The following GALNT13 variants were observed in gnomAD, a reference collection of about 807,000 sequenced individuals.
The protein encoded by GALNT13 is UDP-GalNAc:polypeptide N-acetylgalactosaminyltransferase 13.
GALNT13 carries 28 observed loss-of-function variants against 64.2 expected under a neutral mutation model. That is an observed-to-expected ratio of 0.44 (90% CI 0.32 to 0.60). The LOEUF (loss-of-function observed/expected upper bound fraction) is 0.60, where lower values mean the gene tolerates loss of function less well. GALNT13 is among the 20% of genes least tolerant of loss of function. The pLI, the probability that GALNT13 is intolerant of heterozygous loss-of-function variation, is 0.05. For missense variants in GALNT13, 577 were observed against 669.8 expected, an observed-to-expected ratio of 0.86 and a Z score of 1.53; for synonymous variants, 214 against 224.6, an observed-to-expected ratio of 0.95 and a Z score of 0.42.
chr2:153,878,564 A>T (rs1481036527), intron 1 of GALNT13, among the ~76,000 whole-genome samples: 1 of 152,204 alleles, frequency 6.6e-6, no homozygotes, highest in Admixed American at 6.5e-5. Flanking sequence ...TGATTGGAAG[A>T]TTAGGGATGA....
chr2:153,917,531 A>G (rs1689454124), intron 2 of GALNT13, among the ~76,000 whole-genome samples: 4 of 152,164 alleles, frequency 2.6e-5, no homozygotes, highest in Admixed American at 2.6e-4. Flanking sequence ...AAGTATTAAC[A>G]ATTATGATAA....
the GALNT13 span, among the ~76,000 whole-genome samples, chr2:153,664,846 C>A: frequency 6.6e-6 from 1 of 152,312 alleles, no homozygotes; most frequent in South Asian, 2.1e-4. Context: ...ACCTAGCCCA[C>A]TTACACCCCT....
the GALNT13 span, among the ~76,000 whole-genome samples, chr2:153,341,459 T>A: frequency 2.0e-5 from 3 of 152,234 alleles, no homozygotes; most frequent in African/African-American, 7.2e-5. Context: ...AACTAGAGAA[T>A]CTATTATAGT....
At chr2:153,723,769 G>A in the GALNT13 span, among the ~76,000 whole-genome samples, 1 of 151,396 alleles carries the variant, frequency 6.6e-6, no homozygotes, top group Non-Finnish European at 1.5e-5. Flanking sequence ...ACCTCTTCAA[G>A]GAGAACTACA....
the GALNT13 span, among the ~76,000 whole-genome samples, chr2:153,474,500 CCT>C: frequency 6.6e-6 from 1 of 152,148 alleles, no homozygotes; most frequent in Non-Finnish European, 1.5e-5. Flanking sequence ...AGTAGTGTGA[CCT>C]CTGCTTTCAC....
chr2:153,209,555 C>T, the GALNT13 span, among the ~76,000 whole-genome samples: 3 of 152,116 alleles, frequency 2.0e-5, no homozygotes, highest in East Asian at 3.9e-4. Context: ...ATTATACTTT[C>T]TTGACTACTG....
chr2:153,785,470 TC>T, the GALNT13 span, among the ~76,000 whole-genome samples: 2 of 152,176 alleles, frequency 1.3e-5, no homozygotes, highest in Non-Finnish European at 2.9e-5. Context: ...TGGAGCAGAC[TC>T]CCAGTGAACT....
At chr2:153,550,400 A>ATTT in the GALNT13 span, among the ~76,000 whole-genome samples, 2,365 of 147,032 alleles carry the variant, frequency 0.016, 73 homozygotes, top group African/African-American at 0.056. Context: ...ACACTCAGCT[A>ATTT]TTTTTTTTTT....
chr2:154,184,745 T>A (rs1032652540), intron 4 of GALNT13, among the ~76,000 whole-genome samples: 2 of 152,154 alleles, frequency 1.3e-5, no homozygotes, highest in African/African-American at 4.8e-5. Flanking sequence ...CCAGAACTTA[T>A]AGAGCAATAA....
At chr2:154,408,005 A>G (rs1304901310) in intron 10 of GALNT13, among the ~76,000 whole-genome samples, 1 of 152,126 alleles carries the variant, frequency 6.6e-6, no homozygotes, top group African/African-American at 2.4e-5. Context: ...ATAGATAAGT[A>G]AATATATGTG....
At chr2:154,357,804 T>C (rs1696834745) in intron 9 of GALNT13, among the ~76,000 whole-genome samples, 1 of 152,054 alleles carries the variant, frequency 6.6e-6, no homozygotes, top group African/African-American at 2.4e-5. Context: ...GGTCTTTCAG[T>C]GTATGCTTCA....
At chr2:153,920,365 A>G (rs1314880316) in intron 2 of GALNT13, among the ~76,000 whole-genome samples, 1 of 152,124 alleles carries the variant, frequency 6.6e-6, no homozygotes, top group Non-Finnish European at 1.5e-5. Flanking sequence ...CAAAGCTAAC[A>G]AAAACAAGCA....
At chr2:153,578,693 C>G in the GALNT13 span, among the ~76,000 whole-genome samples, 1 of 152,134 alleles carries the variant, frequency 6.6e-6, no homozygotes, top group Non-Finnish European at 1.5e-5. Flanking sequence ...AACCATTTTG[C>G]CTGTAGAATT....
intron 4 of GALNT13, among the ~76,000 whole-genome samples, chr2:154,192,928 T>A (rs1020166803): frequency 6.6e-6 from 1 of 152,242 alleles, no homozygotes; most frequent in East Asian, 1.9e-4. Context: ...ACATTGAAAG[T>A]TGGGATTTGT....
intron 3 of GALNT13, among the ~76,000 whole-genome samples, chr2:154,074,690 G>A (rs1700898881): frequency 6.6e-6 from 1 of 151,824 alleles, no homozygotes; most frequent in Non-Finnish European, 1.5e-5. Context: ...AATCCTCAGT[G>A]AACTACTGGC....
intron 12 of GALNT13, chr2:154,446,809 T>C: frequency 7.0e-7 from 1 of 1,435,366 alleles, no homozygotes; most frequent in Non-Finnish European, 9.2e-7. Context: ...GCATTTTTGT[T>C]ATGTTCAGTT....
chr2:153,464,104 A>T, the GALNT13 span, among the ~76,000 whole-genome samples: 1 of 152,074 alleles, frequency 6.6e-6, no homozygotes, highest in African/African-American at 2.4e-5. Context: ...GATCAATCAG[A>T]TCCCATTAGC....
the GALNT13 span, among the ~76,000 whole-genome samples, chr2:153,212,179 G>A: frequency 6.6e-6 from 1 of 151,730 alleles, no homozygotes; most frequent in Non-Finnish European, 1.5e-5. Flanking sequence ...TTTTTTCTAG[G>A]TACATATCCT....
At chr2:153,993,014 ACT>A (rs1351045358) in intron 3 of GALNT13, among the ~76,000 whole-genome samples, 15 of 152,164 alleles carry the variant, frequency 9.9e-5, no homozygotes, top group Non-Finnish European at 1.9e-4. Flanking sequence ...GACATGATAG[ACT>A]CTGGGGAAGC....
Sources: gnomAD v4.1 joint callset for allele counts (sites outside exome capture counted in the v4.1 genomes callset) on GRCh38, gnomAD v4.1.1 for gene constraint, MANE v1.5 for transcripts, NCBI Gene and HGNC (gene_info 2026-07-23, HGNC 2026-07-21) for gene names.